Variants in CSMD2 observed in about 807,000 individuals in gnomAD.
The protein encoded by CSMD2 is CUB and Sushi multiple domains 2.
CSMD2 carries 130 observed loss-of-function variants against 398.5 expected under a neutral mutation model. That is an observed-to-expected ratio of 0.33 (90% CI 0.28 to 0.38). The LOEUF is 0.38. Among genes scored for constraint, CSMD2 ranks in the 10% least tolerant of loss-of-function variants. CSMD2 has a pLI of 1.00. For missense variants in CSMD2, 3,829 were observed against 4,764.9 expected, an observed-to-expected ratio of 0.80 and a Z score of 5.78; for synonymous variants, 1,828 against 1,908.5, an observed-to-expected ratio of 0.96 and a Z score of 1.10.
chr1:33,846,226 CT>C (rs1257281178), intron 6 of CSMD2, among the ~76,000 whole-genome samples: 3 of 152,326 alleles, frequency 2.0e-5, no homozygotes, highest in African/African-American at 7.2e-5. Flanking sequence ...TTGGGAAATT[CT>C]TCATTATTGC....
At chr1:34,058,632 C>T (rs1306089918) in intron 2 of CSMD2, among the ~76,000 whole-genome samples, 1 of 152,184 alleles carries the variant, frequency 6.6e-6, no homozygotes, top group African/African-American at 2.4e-5. Context: ...CCACCTATGC[C>T]TGTTGTCTGG....
intron 5 of CSMD2, among the ~76,000 whole-genome samples, chr1:33,908,536 G>C (rs1210943806): frequency 6.6e-6 from 1 of 152,256 alleles, no homozygotes; most frequent in Non-Finnish European, 1.5e-5. Context: ...TCAGACCCAT[G>C]GGGGGCAGGC....
At chr1:34,077,108 C>A (rs1340943082) in intron 2 of CSMD2, among the ~76,000 whole-genome samples, 3 of 150,848 alleles carry the variant, frequency 2.0e-5, no homozygotes, top group Non-Finnish European at 4.4e-5. Context: ...AACGTTTCAG[C>A]CTTTTGTTGG....
intron 10 of CSMD2, among the ~76,000 whole-genome samples, chr1:33,795,734 C>A (rs771250722): frequency 1.3e-5 from 2 of 152,236 alleles, no homozygotes; most frequent in Non-Finnish European, 2.9e-5. Context: ...TTTACTTATT[C>A]CTCCACTACA....
intron 13 of CSMD2, among the ~76,000 whole-genome samples, chr1:33,745,369 T>TA (rs1163734252): frequency 6.6e-6 from 1 of 152,164 alleles, no homozygotes; most frequent in Non-Finnish European, 1.5e-5. Flanking sequence ...TATACAAGCA[T>TA]AAAAAAGGTA....
At chr1:33,600,026 TA>T in intron 44 of CSMD2, 1 of 625,866 alleles carries the variant, frequency 1.6e-6, no homozygotes, top group South Asian at 1.9e-5. Flanking sequence ...TCCTTTGCCC[TA>T]TTTCTTCATT....
chr1:33,975,069 G>A (rs1645910182), intron 3 of CSMD2, among the ~76,000 whole-genome samples: 1 of 152,180 alleles, frequency 6.6e-6, no homozygotes, highest in Non-Finnish European at 1.5e-5. Context: ...ACTGCCCCTG[G>A]CTGGGCAAGC....
chr1:34,119,523 C>T (rs1661953236), intron 1 of CSMD2, among the ~76,000 whole-genome samples: 1 of 145,762 alleles, frequency 6.9e-6, no homozygotes, highest in African/African-American at 2.5e-5. Context: ...ACCATATTAT[C>T]TGGTGAGTGG....
chr1:33,880,448 A>G (rs1641159167), intron 5 of CSMD2, among the ~76,000 whole-genome samples: 1 of 152,214 alleles, frequency 6.6e-6, no homozygotes, highest in African/African-American at 2.4e-5. Flanking sequence ...ATCTTAACTC[A>G]CAGATTCAGC....
chr1:33,913,776 C>G (rs1468868369), intron 5 of CSMD2, among the ~76,000 whole-genome samples: 3 of 151,990 alleles, frequency 2.0e-5, no homozygotes, highest in Admixed American at 2.0e-4. Flanking sequence ...CTCCTATATT[C>G]TAGGAGAGGA....
chr1:34,097,044 G>C (rs1456843055), intron 1 of CSMD2, among the ~76,000 whole-genome samples: 1 of 139,694 alleles, frequency 7.2e-6, no homozygotes, highest in African/African-American at 2.7e-5. Flanking sequence ...AAACAGCATG[G>C]TACTGGTACC....
rs146699212 is a variant in CSMD2, at chr1:33,727,753, G to C, written c.2369-1068C>G. Among the ~76,000 whole-genome samples the C allele has an allele frequency of 2.7e-3, 410 of 152,290 alleles. 4 individuals carry two copies. Among genetic ancestry groups the C allele is most frequent in the African/African-American group, 9.5e-3 (396 of 41,554 alleles). On this transcript the variant is annotated intron_variant, in intron 15 of 70. Coordinates refer to ENST00000373381, the MANE Select transcript of CSMD2 (RefSeq NM_001281956.2). Reference sequence around the variant, plus strand: ...GACCCATGTTAAATATGTAGCTTCAGTGGTCTGTGTGAGATATAAGCTCCT... The same window carrying C: ...GACCCATGTTAAATATGTAGCTTCACTGGTCTGTGTGAGATATAAGCTCCT...
intron 6 of CSMD2, among the ~76,000 whole-genome samples, chr1:33,841,070 C>T (rs558602371): frequency 6.6e-6 from 1 of 152,178 alleles, no homozygotes; most frequent in Non-Finnish European, 1.5e-5. Context: ...ACAATTGAAA[C>T]TCAGTGCAGG....
Position 33,533,251 on chromosome 1 carries a change from G to T in CSMD2, c.9992-22C>A, listed in dbSNP as rs201050704. Reference sequence around the variant, plus strand: ...TGGGCTGGATGAGAGGAAAGACCCTGTTGGACTGGAGGAGATTAGGGGCTT... The same window carrying T: ...TGGGCTGGATGAGAGGAAAGACCCTTTTGGACTGGAGGAGATTAGGGGCTT... On this transcript the variant is annotated intron_variant, in intron 63 of 70. Transcript: ENST00000373381. This position sits in a 1 kb window ranked among gnomAD's most constrained non-coding sequence, Gnocchi z 4.2. 1,462 of 1,611,852 alleles carry T rather than the reference G, an allele frequency of 9.1e-4. No individual in the cohort carries two copies. The highest frequency in any genetic ancestry group is 1.2e-3 in the Non-Finnish European group (1,365 of 1,179,120).
chr1:33,551,272 A>G (rs1405733218), intron 55 of CSMD2, among the ~76,000 whole-genome samples: 1 of 152,250 alleles, frequency 6.6e-6, no homozygotes, highest in African/African-American at 2.4e-5. Flanking sequence ...AGAGGTCACT[A>G]TGAGCCAGAT....
intron 40 of CSMD2, among the ~76,000 whole-genome samples, chr1:33,612,682 GTTTT>G (rs36051513): frequency 7.6e-6 from 1 of 132,142 alleles, no homozygotes; most frequent in Non-Finnish European, 1.6e-5. Context: ...TTTTGTGATG[GTTTT>G]TTTTTTTTTT....
In CSMD2 at chr1:33,646,749, G is replaced by A. The variant is rs773595321; in HGVS notation, c.4673C>T (p.Ser1558Phe). 6.2e-7 allele frequency: 1 copy of A among 1,614,170 alleles called. No individual in the cohort carries two copies. Among genetic ancestry groups the A allele is most frequent in the Non-Finnish European group, 8.5e-7 (1 of 1,179,998 alleles). Residue 1558 changes from serine to phenylalanine, a missense_variant, in exon 29 of 71, where the codon TCC becomes TTC. Transcript: ENST00000373381. ...GCTTTCAATGCGGCCTGGGAGCTGG[G>A]AGCCATAGAAGCTTCCTATGAGAGG... ...LSPLIGSFYG[S>F]QLPGRIESSS...
intron 1 of CSMD2, among the ~76,000 whole-genome samples, chr1:34,117,176 T>C (rs1298123668): frequency 2.6e-5 from 4 of 151,872 alleles, no homozygotes; most frequent in Non-Finnish European, 2.9e-5. Flanking sequence ...ATTTTTAAAA[T>C]GGGGAAAAAT....
intron 22 of CSMD2, 106 bp downstream of exon 22, chr1:33,708,983 G>T: frequency 1.9e-6 from 2 of 1,048,320 alleles, no homozygotes; most frequent in South Asian, 1.7e-5. Flanking sequence ...TTGGGACTCA[G>T]GAAGGAAGGA....
Sources: gnomAD v4.1 joint callset for allele counts (sites outside exome capture counted in the v4.1 genomes callset) on GRCh38, gnomAD v4.1.1 for gene constraint, Gnocchi (gnomAD v3.1) non-coding constraint, MANE v1.5 for transcripts, NCBI Gene and HGNC (gene_info 2026-07-23, HGNC 2026-07-21) for gene names.